Variants in ZKSCAN4 observed in about 807,000 individuals in gnomAD.
ZKSCAN4 encodes the protein zinc finger with KRAB and SCAN domains 4, also known as zinc finger protein with KRAB and SCAN domains 4.
A neutral mutation model predicts 30.8 loss-of-function variants in ZKSCAN4; 23 were observed. That is an observed-to-expected ratio of 0.75 (90% CI 0.54 to 1.06). The LOEUF (loss-of-function observed/expected upper bound fraction) is 1.06, where lower values mean the gene tolerates loss of function less well. Ranked by LOEUF, ZKSCAN4 falls within the 50% of genes least tolerant of loss-of-function variation. The pLI is 0.00. For missense variants in ZKSCAN4, 556 were observed against 665.4 expected (o/e 0.84, Z 1.81); for synonymous variants, 208 against 252.5 (o/e 0.82, Z 1.67).
chr6:28,246,691 C>A (rs1760748785), intron 4 of ZKSCAN4, among the ~76,000 whole-genome samples: 1 of 152,022 alleles, frequency 6.6e-6, no homozygotes, highest in Non-Finnish European at 1.5e-5. Context: ...GGGATAGGAA[C>A]AAGAGGACAT....
chr6:28,246,051 G>T, intron 4 of ZKSCAN4, 76 bp from the exon 5 acceptor site: 2 of 1,576,296 alleles, frequency 1.3e-6, no homozygotes, highest in South Asian at 2.3e-5. Context: ...GTACTAGGGA[G>T]ACAAGAATTA....
chr6:28,254,822 A>G (rs1761134573), upstream of ZKSCAN4, among the ~76,000 whole-genome samples: 1 of 152,252 alleles, frequency 6.6e-6, no homozygotes, highest in Admixed American at 6.5e-5. Flanking sequence ...AAGACGTTAA[A>G]CAAGCAAGGG....
rs1435048553 is a variant in ZKSCAN4, at chr6:28,242,710, A to C, written c.*2406T>G. On this transcript the variant is annotated 3_prime_UTR_variant, in exon 5 of 5. Transcript: ENST00000377294. ...CATTACACTGCCTTATTTGTGTGCAAGTCTTACCAACCTGACTGTACTAAA... is the reference window on the plus strand; with the variant it reads ...CATTACACTGCCTTATTTGTGTGCACGTCTTACCAACCTGACTGTACTAAA... Among the ~76,000 whole-genome samples the C allele has an allele frequency of 6.6e-6, 1 of 152,114 alleles. No individual in the cohort carries two copies. Among genetic ancestry groups the C allele is most frequent in the Non-Finnish European group, 1.5e-5 (1 of 68,024 alleles).
At chr6:28,258,768 CAAAAAA>C in the ZKSCAN4 span, among the ~76,000 whole-genome samples, 3 of 142,510 alleles carry the variant, frequency 2.1e-5, no homozygotes, top group African/African-American at 2.6e-5. Context: ...ATCCTGTCTC[CAAAAAA>C]AAAAAAAAAA....
At position 28,242,532 on chromosome 6, in the gene ZKSCAN4, C is replaced by T. The variant is rs541271178; in HGVS notation, c.*2584G>A. Among the ~76,000 whole-genome samples the T allele has an allele frequency of 6.6e-4, 100 of 152,256 alleles. No homozygotes were observed. The highest frequency in any genetic ancestry group is 2.4e-3 in the African/African-American group (99 of 41,532). ...CAATGTCCCTATCTCTTAAAATTTGCTTTATTTACTCAATTGGACAAAGTT... is the reference window on the plus strand; with the variant it reads ...CAATGTCCCTATCTCTTAAAATTTGTTTTATTTACTCAATTGGACAAAGTT... On this transcript the variant is annotated 3_prime_UTR_variant, in exon 5 of 5. Coordinates refer to ENST00000377294, the MANE Select transcript of ZKSCAN4 (RefSeq NM_019110.5).
upstream of ZKSCAN4, among the ~76,000 whole-genome samples, chr6:28,256,072 C>G (rs1761166567): frequency 6.6e-6 from 1 of 152,108 alleles, no homozygotes; most frequent in Admixed American, 6.6e-5. Context: ...ACTAGTGAAT[C>G]TAGGTAAATG....
chr6:28,250,240 T>C (rs748525221), intron 1 of ZKSCAN4, among the ~76,000 whole-genome samples: 2 of 152,138 alleles, frequency 1.3e-5, no homozygotes, highest in African/African-American at 2.4e-5. Flanking sequence ...GCTAATGTTT[T>C]GTACTTTTAG....
upstream of ZKSCAN4, among the ~76,000 whole-genome samples, chr6:28,255,423 T>A (rs185069361): frequency 3.2e-4 from 49 of 152,292 alleles, 1 homozygote; most frequent in South Asian, 6.0e-3. Context: ...GTCCTGAGTG[T>A]TTCACCAAAA....
In ZKSCAN4 at chr6:28,251,660, C is replaced by A. The variant is rs535536591; in HGVS notation, c.321G>T (p.Gly107=). The part of the protein sequence containing the change: ...VLEQFLTILP[G]NLQSWVREQH... Reference sequence around the variant, plus strand: ...GCTCCCGCACCCAGCTCTGCAGATTCCCCGGCAGGATGGTCAGGAACTGCT... The same window carrying A: ...GCTCCCGCACCCAGCTCTGCAGATTACCCGGCAGGATGGTCAGGAACTGCT... The change falls in exon 1 of 5, where the codon GGG becomes GGT. Residue 107 remains glycine (G), a synonymous_variant. Transcript: ENST00000377294. The surrounding 1 kb of genome is among the most constrained non-coding windows in gnomAD (Gnocchi z 4.5). 1 of 1,614,232 alleles carries A rather than the reference C, an allele frequency of 6.2e-7. No homozygotes were observed. The highest frequency in any genetic ancestry group is 1.1e-5 in the South Asian group (1 of 91,084).
chr6:28,255,766 C>G (rs1224634829), upstream of ZKSCAN4, among the ~76,000 whole-genome samples: 1 of 151,902 alleles, frequency 6.6e-6, no homozygotes, highest in Non-Finnish European at 1.5e-5. Context: ...TTATATGGGG[C>G]CCTACTCCTG....
Position 28,245,381 on chromosome 6 carries a change from T to C in ZKSCAN4, c.1373A>G (p.Asn458Ser), listed in dbSNP as rs139726125. 1.9e-6 allele frequency: 3 copies of C among 1,614,228 alleles called. No individual in the cohort carries two copies. Among genetic ancestry groups the C allele is most frequent in the South Asian group, 1.1e-5 (1 of 91,084 alleles). The change falls in exon 5 of 5, where the codon AAT becomes AGT. Residue 458 changes from asparagine to serine, a missense_variant. Around this residue, in one of 3 missense-constraint regions of ZKSCAN4, gnomAD observed 433 missense variants for 511.5 expected, o/e 0.85. Transcript: ENST00000377294. ...CTCCCCGTGCTCAGGATTCTGAACATTTTTATCACCATGAATCCTCTGATG... is the reference window on the plus strand; with the variant it reads ...CTCCCCGTGCTCAGGATTCTGAACACTTTTATCACCATGAATCCTCTGATG... Reference protein sequence around the residue: ...LRHQRIHGDKNVQNPEHGESW... With the variant: ...LRHQRIHGDKSVQNPEHGESW...
At chr6:28,257,241 C>T (rs147567567), upstream of ZKSCAN4, among the ~76,000 whole-genome samples, 1 of 152,176 alleles carries the variant, frequency 6.6e-6, no homozygotes, top group Non-Finnish European at 1.5e-5. Flanking sequence ...ATGTTCTTTG[C>T]AGGCACATGG....
At chr6:28,256,653 G>T (rs1761186207), upstream of ZKSCAN4, among the ~76,000 whole-genome samples, 1 of 152,120 alleles carries the variant, frequency 6.6e-6, no homozygotes, top group African/African-American at 2.4e-5. Context: ...GTATGCAAAT[G>T]AACATTTGCT....
rs3085840 is a variant in ZKSCAN4 at position 28,242,756 on chromosome 6, TACACAC to T, written c.*2354_*2359del. Among the ~76,000 whole-genome samples, 4 of 150,216 alleles carry T rather than the reference TACACAC, an allele frequency of 2.7e-5. No homozygotes were observed. The highest frequency in any genetic ancestry group is 4.4e-5 in the Non-Finnish European group (3 of 67,442). ...CTAAAGACCTAAGCCTAAGTGTGTATACACACACACACACACACACACAAATAGAGG... is the reference window on the plus strand; with the variant it reads ...CTAAAGACCTAAGCCTAAGTGTGTATACACACACACACACACAAATAGAGG... On this transcript the variant is annotated 3_prime_UTR_variant, in exon 5 of 5. Coordinates refer to ENST00000377294, the MANE Select transcript of ZKSCAN4 (RefSeq NM_019110.5).
Position 28,252,223 on chromosome 6 carries a change from G to A in ZKSCAN4, c.-243C>T. 2.7e-6 allele frequency: 1 copy of A among 366,730 alleles called. No individual in the cohort carries two copies. The highest frequency in any genetic ancestry group is 4.9e-6 in the Non-Finnish European group (1 of 205,778). The allele number at this position is 366,730 out of a possible 1,614,324, so 22.7% of individuals were successfully genotyped here. On this transcript the variant is annotated 5_prime_UTR_variant, in exon 1 of 5. Transcript: ENST00000377294. ...GTAAGTATCACCAAAGGATGTCTTT[G>A]GGAGTGAAAGTGATCACTCTCCAGA...
the ZKSCAN4 span, among the ~76,000 whole-genome samples, chr6:28,258,746 C>T: frequency 7.1e-6 from 1 of 139,920 alleles, no homozygotes; most frequent in African/African-American, 2.7e-5. Context: ...CCAACCTGGG[C>T]GACAGAGTGA....
chr6:28,242,771 A>G lies in ZKSCAN4; in HGVS notation c.*2345T>C, dbSNP rs1357519505. Reference sequence around the variant, plus strand: ...TAAGTGTGTATACACACACACACACACACACACAAATAGAGGCTTTATTTC... The same window carrying G: ...TAAGTGTGTATACACACACACACACGCACACACAAATAGAGGCTTTATTTC... On this transcript the variant is annotated 3_prime_UTR_variant, in exon 5 of 5. Transcript: ENST00000377294. Among the ~76,000 whole-genome samples the G allele has an allele frequency of 6.6e-6, 1 of 152,200 alleles. No individual in the cohort carries two copies. The highest frequency in any genetic ancestry group is 1.5e-5 in the Non-Finnish European group (1 of 68,034).
At chr6:28,254,776 T>C (rs2113695518), upstream of ZKSCAN4, among the ~76,000 whole-genome samples, 1 of 152,370 alleles carries the variant, frequency 6.6e-6, no homozygotes, top group South Asian at 2.1e-4. Flanking sequence ...TTTCTTTATC[T>C]GGAACTGTTG....
Position 28,251,455 on chromosome 6 carries a change from A to G in ZKSCAN4, c.423+103T>C. On this transcript the variant is annotated intron_variant, in intron 1 of 4. Coordinates refer to ENST00000377294, the MANE Select transcript of ZKSCAN4 (RefSeq NM_019110.5). The surrounding 1 kb of genome is among the most constrained non-coding windows in gnomAD (Gnocchi z 4.5). ...CCAAGGAGGTTCACAGTACAAAAAG[A>G]GATGAAGAACTCCTGGACCTTAAAG... 2 of 1,587,630 alleles carry G rather than the reference A, an allele frequency of 1.3e-6. No individual in the cohort carries two copies. The highest frequency in any genetic ancestry group is 1.7e-6 in the Non-Finnish European group (2 of 1,164,498).
Sources: gnomAD v4.1 joint callset for allele counts (sites outside exome capture counted in the v4.1 genomes callset) on GRCh38, gnomAD v4.1.1 for gene constraint, gnomAD v4.1.1 regional missense constraint, Gnocchi (gnomAD v3.1) non-coding constraint, MANE v1.5 for transcripts, NCBI Gene and HGNC (gene_info 2026-07-23, HGNC 2026-07-21) for gene names.